The following KIAA0825 variants were observed in gnomAD, a reference collection of about 807,000 sequenced individuals.
KIAA0825 encodes KIAA0825, also known as uncharacterized protein KIAA0825.
KIAA0825 carries 119 observed loss-of-function variants against 147.6 expected under a neutral mutation model. That is an observed-to-expected ratio of 0.81 (90% CI 0.69 to 0.94). KIAA0825 has a LOEUF of 0.94. Ranked by LOEUF, KIAA0825 falls within the 40% of genes least tolerant of loss-of-function variation. The probability of loss-of-function intolerance (pLI) is 0.00; values close to 1 mark genes in which losing one functional copy is unlikely to be tolerated. For missense variants in KIAA0825, 1,381 were observed against 1,472.7 expected (o/e 0.94, Z 1.02); for synonymous variants, 470 against 518.1 (o/e 0.91, Z 1.26).
chr5:94,422,614 A>T (rs892265476), intron 14 of KIAA0825, among the ~76,000 whole-genome samples: 3 of 151,944 alleles, frequency 2.0e-5, no homozygotes, highest in African/African-American at 4.8e-5. Flanking sequence ...ATAGTCCCTT[A>T]CCCTTTCCAC....
intron 20 of KIAA0825, among the ~76,000 whole-genome samples, chr5:94,375,531 G>A (rs1747431471): frequency 6.6e-6 from 1 of 152,090 alleles, no homozygotes; most frequent in Non-Finnish European, 1.5e-5. Flanking sequence ...ATTCCCTCAA[G>A]TCTACTGGTT....
intron 2 of KIAA0825, chr5:94,567,354 G>A (rs925378202): frequency 2.6e-5 from 4 of 152,034 alleles, no homozygotes; most frequent in Non-Finnish European, 5.9e-5. Flanking sequence ...AAAATTTAGA[G>A]GTCATTTTTA....
At chr5:94,603,450 A>T (rs1390724534) in intron 1 of KIAA0825, among the ~76,000 whole-genome samples, 1 of 152,246 alleles carries the variant, frequency 6.6e-6, no homozygotes, top group Non-Finnish European at 1.5e-5. Context: ...AGGAAAAAAT[A>T]CTACCAGACA....
intron 20 of KIAA0825, among the ~76,000 whole-genome samples, chr5:94,212,375 T>A (rs1211998482): frequency 6.6e-6 from 1 of 152,200 alleles, no homozygotes; most frequent in Non-Finnish European, 1.5e-5. Flanking sequence ...ACACAGCCAC[T>A]GTATCAAGGT....
intron 20 of KIAA0825, among the ~76,000 whole-genome samples, chr5:94,200,125 G>A (rs957384622): frequency 5.3e-5 from 8 of 152,154 alleles, no homozygotes; most frequent in African/African-American, 1.9e-4. Flanking sequence ...GCCAAACCTT[G>A]TAGGCTCCAT....
chr5:94,528,740 A>G (rs562133373), intron 3 of KIAA0825, among the ~76,000 whole-genome samples: 3 of 152,138 alleles, frequency 2.0e-5, no homozygotes, highest in Non-Finnish European at 4.4e-5. Flanking sequence ...TAGGGCTAGA[A>G]GGACATAGTT....
At chr5:94,479,846 G>C (rs1762296335) in intron 6 of KIAA0825, among the ~76,000 whole-genome samples, 1 of 152,092 alleles carries the variant, frequency 6.6e-6, no homozygotes, top group East Asian at 1.9e-4. Flanking sequence ...ATGATGTTGA[G>C]CATCTTTTCA....
rs555598327 is a variant in KIAA0825 at position 94,464,910 on chromosome 5, G to A, written c.2022C>T (p.Tyr674=). The change falls in exon 11 of 21, where the codon TAC becomes TAT. Residue 674 remains tyrosine, a synonymous_variant. Transcript: ENST00000682413. ...TTTTACGGCTGGGGTGGGCCCGAGC[G>A]TATCTGGAGGCCAGTAGACTCAAAG... ...EKSLSLLASR[Y]ARAHPSRKRT... The A allele has an allele frequency of 3.2e-5, 50 of 1,551,616 alleles. No homozygotes were observed. The highest frequency in any genetic ancestry group is 2.5e-4 in the South Asian group (21 of 84,054).
intron 20 of KIAA0825, among the ~76,000 whole-genome samples, chr5:94,214,239 G>C (rs1773007203): frequency 1.3e-5 from 2 of 152,000 alleles, no homozygotes; most frequent in African/African-American, 4.8e-5. Flanking sequence ...ATTTTTCCCT[G>C]CAATTAGTGT....
chr5:94,310,660 G>A (rs979264), intron 20 of KIAA0825, among the ~76,000 whole-genome samples: 31,025 of 151,490 alleles, frequency 0.2, 3,615 homozygotes, highest in Non-Finnish European at 0.25. Flanking sequence ...CAAGTCATAA[G>A]TATCAACTAG....
chr5:94,221,939 AC>A (rs1414325883), intron 20 of KIAA0825, among the ~76,000 whole-genome samples: 1 of 151,734 alleles, frequency 6.6e-6, no homozygotes, highest in Admixed American at 6.6e-5. Flanking sequence ...TTTTTTTCTC[AC>A]CCACGCCTTT....
At chr5:94,334,423 C>T (rs573942504) in intron 20 of KIAA0825, among the ~76,000 whole-genome samples, 2 of 152,342 alleles carry the variant, frequency 1.3e-5, no homozygotes, top group Non-Finnish European at 2.9e-5. Context: ...AACAAATTTC[C>T]TATTGGTCCC....
At chr5:94,414,782 A>T (rs1753229964) in intron 15 of KIAA0825, 1 of 152,290 alleles carries the variant, frequency 6.6e-6, no homozygotes, top group African/African-American at 2.4e-5. Flanking sequence ...GGAGGTGAGC[A>T]GCAGGTGGGT....
At chr5:94,496,432 C>T (rs796337821) in intron 5 of KIAA0825, among the ~76,000 whole-genome samples, 8 of 152,242 alleles carry the variant, frequency 5.3e-5, no homozygotes, top group African/African-American at 1.9e-4. Flanking sequence ...TTGTCAACCC[C>T]TGCCCTCAGC....
intron 1 of KIAA0825, chr5:94,593,715 G>A (rs1331021230): frequency 5.3e-6 from 2 of 374,084 alleles, no homozygotes; most frequent in Admixed American, 6.9e-5. Context: ...ACAAACATTT[G>A]GATAACTATA....
At chr5:94,370,167 A>T (rs550527931) in intron 20 of KIAA0825, among the ~76,000 whole-genome samples, 105 of 149,126 alleles carry the variant, frequency 7.0e-4, no homozygotes, top group South Asian at 8.6e-4. Context: ...CAAAAAAAAT[A>T]AAAAAAAAAG....
At chr5:94,503,938 C>T (rs935027261) in intron 5 of KIAA0825, among the ~76,000 whole-genome samples, 4 of 152,160 alleles carry the variant, frequency 2.6e-5, no homozygotes, top group African/African-American at 9.7e-5. Context: ...ACTGAAAGAG[C>T]ATGCTGCAGA....
rs371737002 is a variant in KIAA0825 at position 94,506,274 on chromosome 5, G to C, written c.970+13974C>G. ...AATTTTTCAAGCACTGTTGGAGGTA[G>C]TTAACTTTAATGCTAACATAAATAC... is the stretch of plus-strand genomic sequence containing the variant. On this transcript the variant is annotated intron_variant, in intron 5 of 20. Coordinates refer to ENST00000682413, the MANE Select transcript of KIAA0825 (RefSeq NM_001145678.3). 8.5e-5 allele frequency among the ~76,000 whole-genome samples: 13 copies of C among 152,302 alleles called. No homozygotes were observed. In the East Asian group the frequency reaches 1.2e-3, roughly 14 times the overall value.
At chr5:94,526,000 C>A (rs1769207205) in intron 3 of KIAA0825, among the ~76,000 whole-genome samples, 2 of 151,942 alleles carry the variant, frequency 1.3e-5, no homozygotes, top group African/African-American at 4.8e-5. Context: ...ATTATCTACA[C>A]CTGATTTTGT....
Sources: gnomAD v4.1 joint callset for allele counts (sites outside exome capture counted in the v4.1 genomes callset) on GRCh38, gnomAD v4.1.1 for gene constraint, MANE v1.5 for transcripts, NCBI Gene and HGNC (gene_info 2026-07-23, HGNC 2026-07-21) for gene names.